EMG1: variants seen among roughly 807,000 people sequenced by gnomAD.
EMG1 encodes EMG1 N1-specific pseudouridine methyltransferase.
In EMG1, 24 loss-of-function variants were observed where a neutral mutation model predicts 26.9. The observed-to-expected ratio is 0.89, with a 90% confidence interval of 0.65 to 1.26. The LOEUF (loss-of-function observed/expected upper bound fraction) is 1.26. Ranked by LOEUF, EMG1 falls within the 50% of genes most tolerant of loss-of-function variation. The pLI is 0.00. For synonymous variants in EMG1, 140 were observed against 112.6 expected, an observed-to-expected ratio of 1.24 and a Z score of -1.54; for missense variants, 299 against 307.6, an observed-to-expected ratio of 0.97 and a Z score of 0.21.
downstream of EMG1, chr12:6,982,627 C>CT (rs1946481799): frequency 7.0e-7 from 1 of 1,436,700 alleles, no homozygotes; most frequent in Admixed American, 1.7e-5. Flanking sequence ...CCCCTGTCCC[C>CT]TGAACCGCTG....
At chr12:6,974,019 G>A (rs1170637900) in intron 1 of EMG1, among the ~76,000 whole-genome samples, 4 of 152,242 alleles carry the variant, frequency 2.6e-5, no homozygotes, top group African/African-American at 4.8e-5. Context: ...CATTGGCCTT[G>A]CCTAACAGCC....
At chr12:6,996,284 C>T (rs781876376) in intron 7 of EMG1, among the ~76,000 whole-genome samples, 93 of 152,332 alleles carry the variant, frequency 6.1e-4, no homozygotes, top group African/African-American at 2.0e-3. Flanking sequence ...CTTCCTACAC[C>T]TCAGGTCCTT....
chr12:6,997,307 C>T (rs1946644975), exon 8 of EMG1: 1 of 151,798 alleles, frequency 6.6e-6, no homozygotes, highest in Non-Finnish European at 1.5e-5. Context: ...TCAAGTGATC[C>T]TCCTGCCTGA....
intron 4 of EMG1, 34 bp downstream of exon 4, chr12:6,975,182 T>C: frequency 6.2e-7 from 1 of 1,613,970 alleles, no homozygotes; most frequent in Non-Finnish European, 8.5e-7. Flanking sequence ...TGAAGGCTGG[T>C]TCTGGGAATG....
chr12:6,985,964 G>A (rs1302554003), intron 6 of EMG1, among the ~76,000 whole-genome samples: 3 of 151,734 alleles, frequency 2.0e-5, no homozygotes, highest in African/African-American at 7.3e-5. Context: ...TAGTAGAGAC[G>A]GTATTTCACC....
downstream of EMG1, chr12:6,982,699 G>C: frequency 1.2e-6 from 2 of 1,613,414 alleles, no homozygotes; most frequent in Non-Finnish European, 8.5e-7. Flanking sequence ...AAGGTAGTGA[G>C]GACGGCAGTG....
chr12:6,987,943 T>C lies in EMG1; in HGVS notation c.*211+105T>C, dbSNP rs1714196772. 5.0e-6 allele frequency: 2 copies of C among 398,964 alleles called. No homozygotes were observed. Among genetic ancestry groups the C allele is most frequent in the African/African-American group, 2.1e-5 (1 of 48,666 alleles). 24.7% of individuals were successfully genotyped at this position (398,964 alleles called of 1,614,324 possible). ...CTGTCTGTCCCTTTCCTTGCTACTC[T>C]GGGATCAACAGTCACCTCTTGAACT... On this transcript the variant is annotated intron_variant and NMD_transcript_variant, in intron 7 of 7. Coordinates refer to the EMG1 transcript ENST00000261406. The surrounding 1 kb of genome is among the most constrained non-coding windows in gnomAD (Gnocchi z 4.1).
chr12:6,979,622 A>G lies in EMG1; in HGVS notation c.*3813A>G. 7.4e-7 allele frequency: 1 copy of G among 1,357,846 alleles called. No individual in the cohort carries two copies. Among genetic ancestry groups the G allele is most frequent in the Non-Finnish European group, 1.1e-6 (1 of 947,128 alleles). 84.1% of individuals were successfully genotyped at this position (1,357,846 alleles called of 1,614,324 possible). ...AAGTTCCTGGTCACAGAGAGCAGAG[A>G]CTATTCCCTTCACCCTCTGACCTTC... On this transcript the variant is annotated 3_prime_UTR_variant, in exon 6 of 6. Coordinates refer to ENST00000599672, the MANE Select transcript of EMG1 (RefSeq NM_006331.8).
downstream of EMG1, chr12:6,983,610 T>G: frequency 1.0e-6 from 1 of 982,716 alleles, no homozygotes; most frequent in South Asian, 1.4e-5. Context: ...TGGAAGTTTA[T>G]CTGGCATGAA....
downstream of EMG1, among the ~76,000 whole-genome samples, chr12:6,984,351 A>G (rs1555154545): frequency 6.6e-6 from 1 of 152,216 alleles, no homozygotes; most frequent in Non-Finnish European, 1.5e-5. Flanking sequence ...AAAACGGTCA[A>G]TAAAATTTGG....
downstream of EMG1, chr12:6,983,253 A>G: frequency 1.8e-6 from 1 of 558,284 alleles, no homozygotes; most frequent in East Asian, 3.1e-5. Context: ...CTGACAGAAG[A>G]ATGTACATAA....
chr12:6,972,602 G>A (rs782166628), intron 1 of EMG1, among the ~76,000 whole-genome samples: 1 of 152,278 alleles, frequency 6.6e-6, no homozygotes, highest in East Asian at 1.9e-4. Context: ...TGCTACAGAT[G>A]TAGTCCACTT....
chr12:6,978,181 G>A lies in EMG1; in HGVS notation c.*2372G>A. On this transcript the variant is annotated 3_prime_UTR_variant, in exon 6 of 6. Transcript: ENST00000599672. ...AAATATGACAGTAATGGTTTTTTTG[G>A]GAGGGGGGTATAGGTGGGGGTCAAA... The A allele has an allele frequency of 1.2e-6, 1 of 803,098 alleles. No individual in the cohort carries two copies. Among genetic ancestry groups the A allele is most frequent in the Non-Finnish European group, 2.0e-6 (1 of 507,082 alleles). 49.7% of individuals were successfully genotyped at this position (803,098 alleles called of 1,614,324 possible).
intron 1 of EMG1, among the ~76,000 whole-genome samples, chr12:6,972,293 GGTT>G (rs782233862): frequency 4.6e-5 from 7 of 151,990 alleles, no homozygotes; most frequent in Non-Finnish European, 7.4e-5. Context: ...CATTCAAGAA[GGTT>G]TTTTTCTTCT....
rs1946425588 is a variant in EMG1 at position 6,977,839 on chromosome 12, A to T, written c.*2030A>T. The T allele has an allele frequency of 1.3e-6, 2 of 1,487,982 alleles. No individual in the cohort carries two copies. The highest frequency in any genetic ancestry group is 4.5e-5 in the East Asian group (2 of 44,258). 92.2% of individuals were successfully genotyped at this position (1,487,982 alleles called of 1,614,324 possible). A position where few individuals can be genotyped will look rare whatever the true frequency, so the allele number is the denominator to read the frequency against. On this transcript the variant is annotated 3_prime_UTR_variant, in exon 6 of 6. Coordinates refer to ENST00000599672, the MANE Select transcript of EMG1 (RefSeq NM_006331.8). This position sits in a 1 kb window ranked among gnomAD's most constrained non-coding sequence, Gnocchi z 4.5. ...GTCCTCACCCTGAGGATTGGATTGGAGTGCTGGTGGGTTCCCACGTGTAGC... is the reference window on the plus strand; with the variant it reads ...GTCCTCACCCTGAGGATTGGATTGGTGTGCTGGTGGGTTCCCACGTGTAGC...
downstream of EMG1, chr12:6,981,959 C>G: frequency 1.1e-6 from 1 of 924,672 alleles, no homozygotes; most frequent in Non-Finnish European, 1.8e-6. Flanking sequence ...TCTCCTTGCT[C>G]TGAAATTCAA....
In EMG1 at chr12:6,975,328, C is replaced by G; in HGVS notation, c.571C>G (p.Pro191Ala). 1 of 1,608,262 alleles carries G rather than the reference C, an allele frequency of 6.2e-7. No homozygotes were observed. Among genetic ancestry groups the G allele is most frequent in the Non-Finnish European group, 8.5e-7 (1 of 1,176,904 alleles). Residue 191 changes from proline (P) to alanine (A), a missense_variant, in exon 5 of 6, where the codon CCC becomes GCC. Physicochemically the swap from Pro to Ala is conservative, Grantham distance 27. Transcript: ENST00000599672. ...TGTCAGTGATGTGCGTGAGCTGGTGCCCAGCAGTGATCCTATTGTTTTTGT... is the reference window on the plus strand; with the variant it reads ...TGTCAGTGATGTGCGTGAGCTGGTGGCCAGCAGTGATCCTATTGTTTTTGT... ...PVVSDVRELV[P>A]SSDPIVFVVG...
chr12:6,992,905 C>T (rs1946602485), downstream of EMG1, among the ~76,000 whole-genome samples: 1 of 152,184 alleles, frequency 6.6e-6, no homozygotes, highest in Admixed American at 6.5e-5. Flanking sequence ...TTTAAATCAT[C>T]TCTGGATTAC....
rs188996275 is a variant in EMG1, at chr12:6,979,462, G to A, written c.*3653G>A. The A allele has an allele frequency of 1.9e-6, 3 of 1,586,074 alleles. No individual in the cohort carries two copies. In the African/African-American group the frequency reaches 4.0e-5, roughly 21 times the overall value. ...CAGTCATGCTGCTGCTGCTTTAGTA[G>A]ACACTCACGTCATAGTCTTCAGTGA... is the stretch of plus-strand genomic sequence containing the variant. On this transcript the variant is annotated 3_prime_UTR_variant, in exon 6 of 6. Coordinates refer to ENST00000599672, the MANE Select transcript of EMG1 (RefSeq NM_006331.8).
Sources: gnomAD v4.1 joint callset for allele counts (sites outside exome capture counted in the v4.1 genomes callset) on GRCh38, gnomAD v4.1.1 for gene constraint, Gnocchi (gnomAD v3.1) non-coding constraint, MANE v1.5 for transcripts, NCBI Gene and HGNC (gene_info 2026-07-23, HGNC 2026-07-21) for gene names.